Variants in ATP8B4 observed in about 807,000 individuals in gnomAD.
ATP8B4 encodes the protein ATPase phospholipid transporting 8B4 (putative).
A neutral mutation model predicts 145.6 loss-of-function variants in ATP8B4; 133 were observed. The observed-to-expected ratio is 0.91, with a 90% CI of 0.79 to 1.05. ATP8B4 has a LOEUF of 1.05. Ranked by LOEUF, ATP8B4 falls within the 50% of genes least tolerant of loss-of-function variation. The pLI is 0.00. For synonymous variants in ATP8B4, 507 were observed against 492.9 expected (o/e 1.03, Z -0.38); for missense variants, 1,458 against 1,425.2 (o/e 1.02, Z -0.37).
intron 8 of ATP8B4, among the ~76,000 whole-genome samples, chr15:49,999,641 T>G (rs2047726312): frequency 6.6e-6 from 1 of 152,146 alleles, no homozygotes; most frequent in Non-Finnish European, 1.5e-5. Flanking sequence ...TTGATAAACT[T>G]CAAAGTGATT....
intron 16 of ATP8B4, among the ~76,000 whole-genome samples, chr15:49,930,823 A>C (rs2041183545): frequency 6.6e-6 from 1 of 152,090 alleles, no homozygotes; most frequent in African/African-American, 2.4e-5. Context: ...GAATAAATTA[A>C]TTCATGGAGA....
intron 2 of ATP8B4, among the ~76,000 whole-genome samples, chr15:50,100,053 A>AC (rs1482803611): frequency 4.6e-5 from 7 of 151,824 alleles, no homozygotes; most frequent in Non-Finnish European, 8.8e-5. Context: ...AAAAAAAAAA[A>AC]AGAATGCAAG....
intron 12 of ATP8B4, 51 bp from the exon 13 acceptor site, chr15:49,972,841 G>C (rs776629445): frequency 3.2e-5 from 50 of 1,569,150 alleles, no homozygotes; most frequent in Non-Finnish European, 4.1e-5. Flanking sequence ...ATTAATTTCA[G>C]AACATACAAT....
chr15:50,131,570 T>C (rs2044047610), intron 1 of ATP8B4, among the ~76,000 whole-genome samples: 1 of 152,124 alleles, frequency 6.6e-6, no homozygotes, highest in Non-Finnish European at 1.5e-5. Flanking sequence ...TGTCTGATTC[T>C]TCATTTATAT....
At chr15:49,966,454 C>G (rs553528755) in intron 13 of ATP8B4, among the ~76,000 whole-genome samples, 1 of 152,144 alleles carries the variant, frequency 6.6e-6, no homozygotes, top group African/African-American at 2.4e-5. Flanking sequence ...TCCACCATTA[C>G]GGAGGCTTGA....
intron 1 of ATP8B4, among the ~76,000 whole-genome samples, chr15:50,134,314 G>A (rs571379546): frequency 2.0e-4 from 31 of 152,238 alleles, no homozygotes; most frequent in African/African-American, 5.1e-4. Flanking sequence ...AATGATCAGC[G>A]CTCTTATAAA....
chr15:49,969,765 C>T (rs1025977464), intron 13 of ATP8B4, among the ~76,000 whole-genome samples: 2 of 152,178 alleles, frequency 1.3e-5, no homozygotes, highest in African/African-American at 2.4e-5. Context: ...CTCCCTAACT[C>T]ATTTTATCAG....
intron 1 of ATP8B4, among the ~76,000 whole-genome samples, chr15:50,126,714 C>G (rs1383254255): frequency 6.6e-6 from 1 of 152,150 alleles, no homozygotes; most frequent in Non-Finnish European, 1.5e-5. Flanking sequence ...TATTTCCATG[C>G]TTGGTGGAGG....
chr15:50,002,189 T>C lies in ATP8B4; in HGVS notation c.470A>G (p.His157Arg). The change falls in exon 8 of 28, where the codon CAT becomes CGT. Residue 157 changes from histidine to arginine, a missense_variant. Physicochemically the swap from His to Arg is conservative, Grantham distance 29. Coordinates refer to ENST00000284509, the MANE Select transcript of ATP8B4 (RefSeq NM_024837.4). ...AGCAGTTTCAACATAACAGAGACCA[T>C]GTGGCTCACTACTTGATAGGAGAAG... ...DLLLLSSSEP[H>R]GLCYVETAEL... The C allele has an allele frequency of 1.2e-6, 2 of 1,611,186 alleles. No individual in the cohort carries two copies. Among genetic ancestry groups the C allele is most frequent in the African/African-American group, 1.3e-5 (1 of 74,922 alleles).
rs2037507827 is a variant in ATP8B4, at chr15:49,897,330, G to A, written c.2659C>T (p.His887Tyr). 6.2e-7 allele frequency: 1 copy of A among 1,612,932 alleles called. No homozygotes were observed. Among genetic ancestry groups the A allele is most frequent in the Admixed American group, 1.7e-5 (1 of 59,798 alleles). The change falls in exon 23 of 28, where the codon CAT becomes TAT. Residue 887 changes from histidine to tyrosine, a missense_variant. By Grantham distance (83) the His-to-Tyr change is moderately conservative (BLOSUM62 2). Coordinates refer to ENST00000284509, the MANE Select transcript of ATP8B4 (RefSeq NM_024837.4). ...CCACAGAAGAAACCAAACCAGAAAT[G>A]CACAAGTGTAAATGCAAAATTCTTA... ...FYKNFAFTLV[H>Y]FWFGFFCGFS... is the part of the protein sequence containing the mutation.
intron 13 of ATP8B4, among the ~76,000 whole-genome samples, chr15:49,962,682 AT>A (rs1171159837): frequency 6.6e-6 from 1 of 152,150 alleles, no homozygotes; most frequent in Non-Finnish European, 1.5e-5. Context: ...TTTATTGTGT[AT>A]TTTTATATAC....
intron 25 of ATP8B4, among the ~76,000 whole-genome samples, chr15:49,870,166 A>G (rs2033456818): frequency 6.6e-6 from 1 of 152,234 alleles, no homozygotes; most frequent in African/African-American, 2.4e-5. Flanking sequence ...CTGTGCAGCT[A>G]TTAAAACAAT....
At chr15:49,927,961 A>C (rs2040878004) in intron 16 of ATP8B4, among the ~76,000 whole-genome samples, 1 of 152,180 alleles carries the variant, frequency 6.6e-6, no homozygotes, top group African/African-American at 2.4e-5. Flanking sequence ...TTAGAGACCA[A>C]AAACCCTACT....
At chr15:50,146,010 T>C (rs76214262) in intron 1 of ATP8B4, among the ~76,000 whole-genome samples, 7,590 of 89,862 alleles carry the variant, frequency 0.084, 253 homozygotes, top group Admixed American at 0.19. Context: ...CACATAAATG[T>C]TTACTTTTTT....
At position 50,101,726 on chromosome 15, in the gene ATP8B4, C is replaced by T. The variant is rs115387656; in HGVS notation, c.28+5213G>A. On this transcript the variant is annotated intron_variant, in intron 2 of 27. Coordinates refer to ENST00000284509, the MANE Select transcript of ATP8B4 (RefSeq NM_024837.4). ...AAGGAAACGATGAACTTAAACTATA[C>T]CCTAAAACAGATGGACTTAACAGAT... Among the ~76,000 whole-genome samples the T allele has an allele frequency of 6.2e-3, 936 of 152,144 alleles. 14 individuals are homozygous for T. Among genetic ancestry groups the T allele is most frequent in the African/African-American group, 0.021 (887 of 41,508 alleles).
chr15:50,036,090 T>A (rs182435549), intron 6 of ATP8B4, among the ~76,000 whole-genome samples: 5 of 152,354 alleles, frequency 3.3e-5, no homozygotes, highest in African/African-American at 1.2e-4. Flanking sequence ...GCCATGGGCT[T>A]AATCATGCAT....
chr15:50,179,671 AT>A (rs1424706011), intron 1 of ATP8B4, among the ~76,000 whole-genome samples: 14 of 152,156 alleles, frequency 9.2e-5, no homozygotes, highest in Non-Finnish European at 2.9e-5. Flanking sequence ...CATGAATGGG[AT>A]TAGTGCCCTC....
At chr15:49,890,487 C>T (rs1376372521) in intron 23 of ATP8B4, among the ~76,000 whole-genome samples, 1 of 152,142 alleles carries the variant, frequency 6.6e-6, no homozygotes, top group Non-Finnish European at 1.5e-5. Flanking sequence ...AAGTGGCTAT[C>T]TAAGGGGCTT....
At chr15:49,998,707 T>G (rs560917836) in intron 8 of ATP8B4, among the ~76,000 whole-genome samples, 12 of 152,044 alleles carry the variant, frequency 7.9e-5, no homozygotes, top group Non-Finnish European at 1.3e-4. Flanking sequence ...CACTCTGATG[T>G]TAGTTTCTTT....
Sources: allele counts gnomAD v4.1 joint callset (sites outside exome capture counted in the v4.1 genomes callset), GRCh38; gene constraint gnomAD v4.1.1; transcripts MANE v1.5; gene names NCBI Gene and HGNC (gene_info 2026-07-23, HGNC 2026-07-21).